ALCAM: variants seen among roughly 807,000 people sequenced by gnomAD.
ALCAM encodes CD166 antigen.
In ALCAM, 30 loss-of-function variants were observed where a neutral mutation model predicts 70.9. The observed-to-expected ratio is 0.42, with a 90% confidence interval of 0.32 to 0.57. The LOEUF is 0.57. Among genes scored for constraint, ALCAM ranks in the 20% least tolerant of loss-of-function variants. ALCAM has a pLI of 0.11. For synonymous variants in ALCAM, 249 were observed against 242.5 expected (o/e 1.03, Z -0.25); for missense variants, 591 against 695.1 (o/e 0.85, Z 1.68).
At chr3:105,367,633 T>C in intron 1 of ALCAM, 152 bp downstream of exon 1, 1 of 866,948 alleles carries the variant, frequency 1.2e-6, no homozygotes, top group Non-Finnish European at 1.8e-6. Flanking sequence ...GTCCCCGGGC[T>C]CGGTCACCTG....
intron 1 of ALCAM, among the ~76,000 whole-genome samples, chr3:105,419,057 C>A (rs1002138419): frequency 2.0e-5 from 3 of 151,582 alleles, no homozygotes; most frequent in African/African-American, 7.3e-5. Flanking sequence ...TCTATGGGGT[C>A]TCTGATTTTT....
chr3:105,563,673 T>C (rs1161328326), intron 14 of ALCAM, among the ~76,000 whole-genome samples: 2 of 64,066 alleles, frequency 3.1e-5, no homozygotes, highest in Non-Finnish European at 6.2e-5. Context: ...ATTTCTTTTT[T>C]TTTTTTTTTT....
intron 1 of ALCAM, among the ~76,000 whole-genome samples, chr3:105,422,408 AT>A (rs148048163): frequency 6.6e-6 from 1 of 150,800 alleles, no homozygotes; most frequent in African/African-American, 2.4e-5. Flanking sequence ...TCAGGCAGAA[AT>A]TTTTTTTTAC....
At chr3:105,486,934 A>C (rs941235582) in intron 1 of ALCAM, among the ~76,000 whole-genome samples, 5 of 144,990 alleles carry the variant, frequency 3.4e-5, no homozygotes, top group African/African-American at 1.3e-4. Context: ...TTCTTCGGCT[A>C]TCTCTCTGCA....
At chr3:105,565,909 AT>A (rs1217954990) in intron 14 of ALCAM, among the ~76,000 whole-genome samples, 1 of 152,142 alleles carries the variant, frequency 6.6e-6, no homozygotes, top group Non-Finnish European at 1.5e-5. Flanking sequence ...GCCAAGTATG[AT>A]TTCTGCCTTC....
At chr3:105,491,321 G>A (rs944131983) in intron 1 of ALCAM, among the ~76,000 whole-genome samples, 7 of 152,234 alleles carry the variant, frequency 4.6e-5, no homozygotes, top group African/African-American at 1.4e-4. Flanking sequence ...TGGCTGACGC[G>A]AAGGTCTCTG....
chr3:105,472,201 TG>T (rs1264443897), intron 1 of ALCAM, among the ~76,000 whole-genome samples: 6 of 151,474 alleles, frequency 4.0e-5, no homozygotes, highest in African/African-American at 1.5e-4. Flanking sequence ...TTTGTTTGTT[TG>T]TTTTTTTAGG....
intron 1 of ALCAM, among the ~76,000 whole-genome samples, chr3:105,501,457 T>C (rs1938917573): frequency 6.6e-6 from 1 of 152,204 alleles, no homozygotes; most frequent in Non-Finnish European, 1.5e-5. Context: ...CACTATATAA[T>C]GGTATTTTGA....
intron 1 of ALCAM, among the ~76,000 whole-genome samples, chr3:105,475,182 T>C (rs1038411908): frequency 2.0e-5 from 3 of 151,914 alleles, no homozygotes; most frequent in African/African-American, 4.8e-5. Context: ...GGGGGTTGTT[T>C]TGAAGCCTGG....
intron 7 of ALCAM, among the ~76,000 whole-genome samples, chr3:105,540,817 C>T (rs1256417027): frequency 1.3e-5 from 2 of 152,036 alleles, no homozygotes; most frequent in African/African-American, 4.8e-5. Context: ...CAAATTTCAT[C>T]TACCACAGTA....
chr3:105,541,751 C>T lies in ALCAM; in HGVS notation c.977C>T (p.Ala326Val), dbSNP rs1940122205. ...AAAAAAAGCATGATTGCTTCAACAG[C>T]TATCACAGTTCACTGTAAGTCACCT... ...IDKKSMIAST[A>V]ITVHYLDLSL... Residue 326 changes from alanine to valine, a missense_variant, in exon 8 of 16, where the codon GCT becomes GTT. Transcript: ENST00000306107. 1 of 1,612,162 alleles carries T rather than the reference C, an allele frequency of 6.2e-7. No individual in the cohort carries two copies. Among genetic ancestry groups the T allele is most frequent in the African/African-American group, 1.3e-5 (1 of 74,886 alleles).
intron 1 of ALCAM, among the ~76,000 whole-genome samples, chr3:105,411,460 G>A (rs1936389374): frequency 6.6e-6 from 1 of 152,080 alleles, no homozygotes; most frequent in Non-Finnish European, 1.5e-5. Context: ...AGCAGCAGCA[G>A]CTGGGATAAT....
intron 1 of ALCAM, among the ~76,000 whole-genome samples, chr3:105,429,263 A>G (rs980633810): frequency 2.0e-5 from 3 of 152,000 alleles, no homozygotes; most frequent in African/African-American, 7.2e-5. Flanking sequence ...TTCACTGTCA[A>G]ACAGAGATTC....
At chr3:105,384,781 CTTTT>C (rs910191976) in intron 1 of ALCAM, among the ~76,000 whole-genome samples, 1 of 151,436 alleles carries the variant, frequency 6.6e-6, no homozygotes, top group African/African-American at 2.4e-5. Flanking sequence ...AACTGTGACT[CTTTT>C]TTAATTTTTT....
chr3:105,387,594 G>A (rs758487181), intron 1 of ALCAM, among the ~76,000 whole-genome samples: 1 of 151,532 alleles, frequency 6.6e-6, no homozygotes, highest in African/African-American at 2.4e-5. Context: ...GTGATTAAAC[G>A]GAAAAATATT....
Position 105,516,644 on chromosome 3 carries a change from T to C in ALCAM, c.74-3423T>C, listed in dbSNP as rs150121716. Reference sequence around the variant, plus strand: ...GACACATTTTATATCGTATTGTATGTTAAGACATTTTAATAGCAACAGTAA... The same window carrying C: ...GACACATTTTATATCGTATTGTATGCTAAGACATTTTAATAGCAACAGTAA... On this transcript the variant is annotated intron_variant, in intron 1 of 15. Transcript: ENST00000306107. 2.5e-3 allele frequency among the ~76,000 whole-genome samples: 382 copies of C among 152,252 alleles called. 1 individual carries two copies. Among genetic ancestry groups the C allele is most frequent in the African/African-American group, 8.9e-3 (370 of 41,560 alleles).
At chr3:105,550,403 G>T (rs1940363395) in intron 12 of ALCAM, 144 bp downstream of exon 12, 3 of 862,282 alleles carry the variant, frequency 3.5e-6, no homozygotes, top group Admixed American at 3.4e-5. Context: ...TCATCATAAG[G>T]TTATTTTTTC....
At chr3:105,498,473 C>T (rs1053940486) in intron 1 of ALCAM, among the ~76,000 whole-genome samples, 2 of 151,374 alleles carry the variant, frequency 1.3e-5, no homozygotes, top group Non-Finnish European at 2.9e-5. Context: ...CTTGACACCA[C>T]CATGTTTTGT....
chr3:105,541,745 C>T lies in ALCAM; in HGVS notation c.971C>T (p.Ser324Leu), dbSNP rs1458896889. The T allele has an allele frequency of 1.9e-6, 3 of 1,612,136 alleles. No individual in the cohort carries two copies. The highest frequency in any genetic ancestry group is 1.3e-5 in the African/African-American group (1 of 74,764). The change falls in exon 8 of 16, where the codon TCA (serine) becomes TTA (leucine). Residue 324 changes from serine to leucine, a missense_variant. By Grantham distance (145) the Ser-to-Leu change is moderately radical. Coordinates refer to ENST00000306107, the MANE Select transcript of ALCAM (RefSeq NM_001627.4). ...ATAGACAAAAAAAGCATGATTGCTT[C>T]AACAGCTATCACAGTTCACTGTAAG... ...SLIDKKSMIA[S>L]TAITVHYLDL...
Sources: gnomAD v4.1 joint callset for allele counts (sites outside exome capture counted in the v4.1 genomes callset) on GRCh38, gnomAD v4.1.1 for gene constraint, MANE v1.5 for transcripts, NCBI Gene and HGNC (gene_info 2026-07-23, HGNC 2026-07-21) for gene names.